The following GPM6B variants were observed in gnomAD, a reference collection of about 807,000 sequenced individuals.
GPM6B encodes neuronal membrane glycoprotein M6-b.
In GPM6B, 4 loss-of-function variants were observed where a neutral mutation model predicts 27.2. That is an observed-to-expected ratio of 0.15 (90% CI 0.07 to 0.34). GPM6B has a LOEUF of 0.34. Ranked by LOEUF, GPM6B falls within the 10% of genes least tolerant of loss-of-function variation. GPM6B has a pLI of 1.00. For synonymous variants in GPM6B, 124 were observed against 103.1 expected (o/e 1.20, Z -1.23); for missense variants, 183 against 261.9 (o/e 0.70, Z 2.08).
rs191103045 is a variant in GPM6B, at chrX:13,829,794, T to C, written c.-197-43986A>G. ...ACTCTTTCAACAATGGACTAAATTG[T>C]TTTCTGGAATCTGTAGGATATTGCT... On this transcript the variant is annotated intron_variant, in intron 1 of 6. Coordinates refer to the GPM6B transcript ENST00000398361. Among the ~76,000 whole-genome samples the C allele has an allele frequency of 1.8e-4, 20 of 111,328 alleles. 1 individual carries two copies. The highest frequency in any genetic ancestry group is 6.5e-4 in the African/African-American group (20 of 30,618).
rs34662549 is a variant in GPM6B at position 13,865,559 on chromosome X, A to AAAAAAGAAAGAAAG, written c.-198+72767_-198+72768insCTTTCTTTCTTTTT. On this transcript the variant is annotated intron_variant, in intron 1 of 6. Transcript: ENST00000398361. Reference sequence around the variant, plus strand: ...CATCTCTTCAAAAAAAAAAAAAAAAAAAAGAAAGAAAGAAAGAAAAGAAAA... The same window carrying AAAAAAGAAAGAAAG: ...CATCTCTTCAAAAAAAAAAAAAAAAAAAAAAGAAAGAAAGAAAGAAAGAAAGAAAGAAAAGAAAA... Among the ~76,000 whole-genome samples, 17 of 52,927 alleles carry AAAAAAGAAAGAAAG rather than the reference A, an allele frequency of 3.2e-4. No homozygotes were observed. In the East Asian group the frequency reaches 4.9e-3, roughly 15 times the overall value. 46.0% of individuals were successfully genotyped at this position (52,927 alleles called of 115,157 possible).
At chrX:13,862,160 T>C (rs1275924046) in intron 1 of GPM6B, among the ~76,000 whole-genome samples, 4 of 111,324 alleles carry the variant, frequency 3.6e-5, no homozygotes, top group Non-Finnish European at 7.5e-5. Context: ...TGGATCTTGG[T>C]CTTTGGAGGC....
chrX:13,822,685 C>T (rs907187075), intron 1 of GPM6B, among the ~76,000 whole-genome samples: 3 of 111,037 alleles, frequency 2.7e-5, no homozygotes, highest in African/African-American at 9.8e-5. Context: ...CTTGTGACTC[C>T]TATTTTCACA....
In GPM6B at chrX:13,824,321, T is replaced by C. The variant is rs1051205874; in HGVS notation, c.-197-38513A>G. Among the ~76,000 whole-genome samples the C allele has an allele frequency of 2.7e-5, 3 of 112,510 alleles. No individual in the cohort carries two copies. In the Admixed American group the frequency reaches 2.8e-4, roughly 11 times the overall value. The stretch of plus-strand genomic sequence containing the variant: ...TTTGTCTGGCTATTGTGATATTCTA[T>C]CAGCAAATGGTTCTCAGGCCTAGCT... On this transcript the variant is annotated intron_variant, in intron 1 of 6. Transcript: ENST00000398361.
chrX:13,789,647 C>A (rs1399213938), intron 2 of GPM6B, among the ~76,000 whole-genome samples: 1 of 110,866 alleles, frequency 9.0e-6, no homozygotes. Flanking sequence ...TGGTGGTGGG[C>A]GCCTGTAGTC....
intron 1 of GPM6B, among the ~76,000 whole-genome samples, chrX:13,869,474 C>T (rs971463956): frequency 2.7e-5 from 3 of 109,451 alleles, no homozygotes; most frequent in Non-Finnish European, 3.8e-5. Flanking sequence ...ATGGGTGAAC[C>T]GTATGGTATG....
At chrX:13,885,515 G>A (rs763424113) in intron 1 of GPM6B, among the ~76,000 whole-genome samples, 5 of 111,667 alleles carry the variant, frequency 4.5e-5, no homozygotes, top group Non-Finnish European at 7.5e-5. Flanking sequence ...TGGGGTGAGC[G>A]GGCCAGGACT....
chrX:13,815,656 G>T (rs538971678), intron 1 of GPM6B, among the ~76,000 whole-genome samples: 1 of 111,747 alleles, frequency 8.9e-6, no homozygotes, highest in African/African-American at 3.3e-5. Flanking sequence ...AATTTAAAAA[G>T]TAAAATTGCT....
chrX:13,848,017 G>A (rs145970738), intron 1 of GPM6B, among the ~76,000 whole-genome samples: 1,196 of 111,720 alleles, frequency 0.011, 14 homozygotes, highest in African/African-American at 0.038. Context: ...CCCTCCTTCC[G>A]GACTGATATA....
chrX:13,774,373 G>C, intron 7 of GPM6B: 1 of 1,031,706 alleles, frequency 9.7e-7, no homozygotes, highest in Non-Finnish European at 1.2e-6. Flanking sequence ...TCATTATTGT[G>C]TAATTCATGT....
rs560339343 is a variant in GPM6B, at chrX:13,805,992, CT to C, written c.181+1657del. ...GCACATCTCATGGTTTTTTTTGCTGCTTTTTTTTTCAAAAGCAGCTTTACTG... is the reference window on the plus strand; with the variant it reads ...GCACATCTCATGGTTTTTTTTGCTGCTTTTTTTTCAAAAGCAGCTTTACTG... On this transcript the variant is annotated intron_variant, in intron 2 of 7. Coordinates refer to ENST00000316715, the MANE Select transcript of GPM6B (RefSeq NM_001001995.3). Among the ~76,000 whole-genome samples the C allele has an allele frequency of 1.5e-3, 162 of 108,671 alleles. 1 individual carries two copies. Among genetic ancestry groups the C allele is most frequent in the African/African-American group, 4.8e-3 (145 of 29,942 alleles). The allele number at this position is 108,671 out of a possible 115,157, so 94.4% of individuals were successfully genotyped here.
chrX:13,872,163 C>CTT lies in GPM6B; in HGVS notation c.-198+66162_-198+66163dup, dbSNP rs72226692. Among the ~76,000 whole-genome samples the CTT allele has an allele frequency of 4.7e-3, 121 of 25,833 alleles. 5 individuals are homozygous for CTT. The highest frequency in any genetic ancestry group is 0.019 in the African/African-American group (114 of 6,119). 22.4% of individuals were successfully genotyped at this position (25,833 alleles called of 115,157 possible). On this transcript the variant is annotated intron_variant, in intron 1 of 6. Transcript: ENST00000398361. Reference sequence around the variant, plus strand: ...GAGAAGGCTGCAATATGTGACATCACTTTTTTTTTTTTTTTTTTTTTTTTT... The same window carrying CTT: ...GAGAAGGCTGCAATATGTGACATCACTTTTTTTTTTTTTTTTTTTTTTTTTTT...
chrX:13,917,383 A>T (rs1056050004), intron 1 of GPM6B, among the ~76,000 whole-genome samples: 2 of 112,662 alleles, frequency 1.8e-5, no homozygotes, highest in African/African-American at 3.2e-5. Flanking sequence ...TGATCAAGCC[A>T]TTTGCTGAAA....
At chrX:13,787,323 T>C (rs2048631887) in intron 2 of GPM6B, among the ~76,000 whole-genome samples, 1 of 111,750 alleles carries the variant, frequency 8.9e-6, no homozygotes, top group Non-Finnish European at 1.9e-5. Flanking sequence ...CCAACTTCCC[T>C]GAAGTGGATT....
intron 1 of GPM6B, among the ~76,000 whole-genome samples, chrX:13,881,026 CT>C (rs2050092196): frequency 9.0e-6 from 1 of 111,718 alleles, no homozygotes; most frequent in Admixed American, 9.5e-5. Context: ...TCTAGAGACT[CT>C]CTGAACACTC....
chrX:13,880,169 C>T (rs960300964), intron 1 of GPM6B, among the ~76,000 whole-genome samples: 2 of 111,490 alleles, frequency 1.8e-5, no homozygotes, highest in Non-Finnish European at 3.8e-5. Flanking sequence ...TGGCAGGCCA[C>T]GTTAGCGTAA....
chrX:13,824,969 G>A (rs1331455104), intron 1 of GPM6B, among the ~76,000 whole-genome samples: 2 of 111,833 alleles, frequency 1.8e-5, no homozygotes, highest in Non-Finnish European at 1.9e-5. Flanking sequence ...CAATCCTGAC[G>A]TTCCTTGGCT....
At chrX:13,895,978 T>C (rs1226732207) in intron 1 of GPM6B, among the ~76,000 whole-genome samples, 1 of 93,087 alleles carries the variant, frequency 1.1e-5, no homozygotes, top group East Asian at 3.4e-4. Context: ...ACACTGTTGC[T>C]AGAAAAACTT....
chrX:13,824,118 G>A (rs1275334669), intron 1 of GPM6B, among the ~76,000 whole-genome samples: 1 of 111,978 alleles, frequency 8.9e-6, no homozygotes, highest in Non-Finnish European at 1.9e-5. Flanking sequence ...TTGTGAGGCT[G>A]TCCTGGGCAT....
Sources: gnomAD v4.1 joint callset for allele counts (sites outside exome capture counted in the v4.1 genomes callset) on GRCh38, gnomAD v4.1.1 for gene constraint, MANE v1.5 for transcripts, NCBI Gene and HGNC (gene_info 2026-07-23, HGNC 2026-07-21) for gene names.